The following DAB2IP variants were observed in gnomAD, a reference collection of about 807,000 sequenced individuals.
DAB2IP encodes DAB2 interacting protein, also known as disabled homolog 2-interacting protein.
A neutral mutation model predicts 107.2 loss-of-function variants in DAB2IP; 28 were observed. The ratio of observed to expected loss-of-function variants is 0.26; its 90% CI spans 0.19 to 0.36. The LOEUF is 0.36. Among genes scored for constraint, DAB2IP ranks in the 10% least tolerant of loss-of-function variants. The probability of loss-of-function intolerance (pLI) is 1.00; values close to 1 mark genes in which losing one functional copy is unlikely to be tolerated. For missense variants in DAB2IP, 1,400 were observed against 1,644.7 expected, an observed-to-expected ratio of 0.85 and a Z score of 2.57; for synonymous variants, 755 against 706.4, an observed-to-expected ratio of 1.07 and a Z score of -1.09.
chr9:121,616,211 G>C (rs1369797220), intron 1 of DAB2IP, among the ~76,000 whole-genome samples: 5 of 152,304 alleles, frequency 3.3e-5, no homozygotes, highest in African/African-American at 1.2e-4. Flanking sequence ...GGGAGGGGCG[G>C]GAAGGCTGCA....
chr9:121,778,201 G>A, intron 14 of DAB2IP, among the ~76,000 whole-genome samples: 1 of 152,032 alleles, frequency 6.6e-6, no homozygotes, highest in East Asian at 1.9e-4. Context: ...AGCTCCCTTG[G>A]GCTTCTTGTA....
In DAB2IP at chr9:121,757,190, G is replaced by A. The variant is rs749430944; in HGVS notation, c.516+24G>A. ...AGGTGGGTCCCATCACAGGGGTTGG[G>A]GTGGACACCCCATCCTCTCCTGGCC... On this transcript the variant is annotated intron_variant, in intron 4 of 15. Transcript: ENST00000408936. The A allele has an allele frequency of 1.6e-5, 26 of 1,609,512 alleles. No homozygotes were observed. The Admixed American group carries it at 3.9e-4, about 24-fold the overall frequency.
intron 11 of DAB2IP, among the ~76,000 whole-genome samples, chr9:121,771,231 G>T (rs1324378184): frequency 6.6e-6 from 1 of 152,178 alleles, no homozygotes; most frequent in East Asian, 1.9e-4. Flanking sequence ...CAGTCCTGGG[G>T]TCTGCTCTGC....
intron 1 of DAB2IP, among the ~76,000 whole-genome samples, chr9:121,586,927 CTG>C (rs1830324272): frequency 6.6e-6 from 1 of 152,156 alleles, no homozygotes; most frequent in Non-Finnish European, 1.5e-5. Context: ...GCAAGTTAAA[CTG>C]TAAAAGCTCA....
rs1233244299 is a variant in DAB2IP at position 121,634,184 on chromosome 9, C to A, written c.41-44494C>A. ...TGCATTGGTTTTCACATGCCAACTC[C>A]TAGGAAGGGTCCCCTATGCACCCCG... On this transcript the variant is annotated intron_variant, in intron 1 of 16. Transcript: ENST00000259371. This position sits in a 1 kb window ranked among gnomAD's most constrained non-coding sequence, Gnocchi z 4.7. Among the ~76,000 whole-genome samples the A allele has an allele frequency of 6.6e-6, 1 of 152,072 alleles. No individual in the cohort carries two copies. Among genetic ancestry groups the A allele is most frequent in the African/African-American group, 2.4e-5 (1 of 41,406 alleles).
chr9:121,774,421 G>A lies in DAB2IP; in HGVS notation c.3120+9G>A, dbSNP rs1186785858. 6.2e-7 allele frequency: 1 copy of A among 1,605,234 alleles called. No homozygotes were observed. The highest frequency in any genetic ancestry group is 8.5e-7 in the Non-Finnish European group (1 of 1,176,888). ...TCAGCCAAGCAGAAAAGGTAAAACT[G>A]GACCCTGGCGGCTCGGGACAGGGCG... On this transcript the variant is annotated intron_variant, in intron 13 of 15. Coordinates refer to ENST00000408936, the Ensembl canonical transcript of DAB2IP.
chr9:121,742,672 C>T (rs952742573), intron 3 of DAB2IP: 2 of 947,442 alleles, frequency 2.1e-6, no homozygotes, highest in Admixed American at 6.2e-5. Context: ...TTGCCTGAGT[C>T]CTGGGCTTGG....
At chr9:121,755,596 G>T (rs967273936) in intron 3 of DAB2IP, among the ~76,000 whole-genome samples, 4 of 152,148 alleles carry the variant, frequency 2.6e-5, no homozygotes, top group African/African-American at 9.7e-5. Flanking sequence ...TCTAGCATGG[G>T]ACTCCATGTT....
At chr9:121,711,918 C>G (rs1432301778) in intron 3 of DAB2IP, among the ~76,000 whole-genome samples, 1 of 152,184 alleles carries the variant, frequency 6.6e-6, no homozygotes, top group Non-Finnish European at 1.5e-5. Flanking sequence ...CTGGGCCTCC[C>G]CATCCCCCTC....
At position 121,651,843 on chromosome 9, in the gene DAB2IP, G is replaced by A; in HGVS notation, c.68G>A (p.Arg23Gln). The A allele has an allele frequency of 6.8e-7, 1 of 1,468,506 alleles. No individual in the cohort carries two copies. Among genetic ancestry groups the A allele is most frequent in the East Asian group, 2.8e-5 (1 of 35,496 alleles). The allele number at this position is 1,468,506 out of a possible 1,614,324, so 91.0% of individuals were successfully genotyped here. Residue 23 changes from arginine to glutamine, a missense_variant, in exon 1 of 16, where the codon CGG becomes CAG. Physicochemically the swap from Arg to Gln is conservative, Grantham distance 43. Around this residue, in one of 3 missense-constraint regions of DAB2IP, gnomAD observed 283 missense variants for 237.0 expected, o/e 1.19. Transcript: ENST00000408936. The surrounding 1 kb of genome is among the most constrained non-coding windows in gnomAD (Gnocchi z 5.1). ...TCCTACTACTACCGGCTGCTGAGGC[G>A]GCCCCGGCTGCAGCGACAGAGGAGC...
rs1360137911 is a variant in DAB2IP at position 121,782,426 on chromosome 9, C to A, written c.3498C>A (p.Gly1166=). ...GGTACAGCATGCAAGCCCGTAACGG[C>A]ATCTCCCCCACCAACCCCACCAAAT... is the stretch of plus-strand genomic sequence containing the variant. The change falls in exon 16 of 16, where the codon GGC becomes GGA. Residue 1166 remains glycine (G), a synonymous_variant. Transcript: ENST00000408936. The surrounding 1 kb of genome is among the most constrained non-coding windows in gnomAD (Gnocchi z 6.1). 1 of 1,614,140 alleles carries A rather than the reference C, an allele frequency of 6.2e-7. No individual in the cohort carries two copies. Among genetic ancestry groups the A allele is most frequent in the Non-Finnish European group, 8.5e-7 (1 of 1,179,986 alleles).
chr9:121,595,257 G>A (rs1830504817), intron 1 of DAB2IP, among the ~76,000 whole-genome samples: 1 of 151,756 alleles, frequency 6.6e-6, no homozygotes. Context: ...AAAAAGTGAT[G>A]AAGAATAAAA....
At chr9:121,766,407 A>G (rs1834282853) in intron 8 of DAB2IP, 87 bp from the exon 9 acceptor site, 1 of 1,290,920 alleles carries the variant, frequency 7.7e-7, no homozygotes, top group Non-Finnish European at 1.1e-6. Context: ...GGTAGAGCCA[A>G]GGTTGGAATG....
At chr9:121,739,667 C>A (rs137984659) in intron 3 of DAB2IP, among the ~76,000 whole-genome samples, 1 of 152,134 alleles carries the variant, frequency 6.6e-6, no homozygotes, top group African/African-American at 2.4e-5. Flanking sequence ...TGAGGCTCCA[C>A]GCTGGACATT....
At chr9:121,590,072 A>G (rs911873009) in intron 1 of DAB2IP, among the ~76,000 whole-genome samples, 1 of 151,564 alleles carries the variant, frequency 6.6e-6, no homozygotes. Flanking sequence ...CCCTCAGAAC[A>G]GGTCTTCCCT....
At chr9:121,769,340 G>A (rs561563339) in intron 10 of DAB2IP, among the ~76,000 whole-genome samples, 1 of 152,266 alleles carries the variant, frequency 6.6e-6, no homozygotes, top group South Asian at 2.1e-4. Context: ...TTCTGGACAC[G>A]ATCTGTGCAT....
chr9:121,641,765 AGCCT>A (rs76810093), intron 1 of DAB2IP, among the ~76,000 whole-genome samples: 1,692 of 150,878 alleles, frequency 0.011, 30 homozygotes, highest in African/African-American at 0.037. Flanking sequence ...TCCCACAGCC[AGCCT>A]GCCTGCCTGC....
At chr9:121,587,394 G>C (rs756828393) in intron 1 of DAB2IP, among the ~76,000 whole-genome samples, 8 of 152,260 alleles carry the variant, frequency 5.3e-5, no homozygotes, top group Non-Finnish European at 1.0e-4. Flanking sequence ...GATTGCTTGA[G>C]CCCAGGAGTT....
At chr9:121,703,612 C>G (rs1046002550) in intron 3 of DAB2IP, among the ~76,000 whole-genome samples, 1 of 152,214 alleles carries the variant, frequency 6.6e-6, no homozygotes, top group Non-Finnish European at 1.5e-5. Flanking sequence ...ATTTAGCACA[C>G]TTTTCATAGA....
Sources: allele counts gnomAD v4.1 joint callset (sites outside exome capture counted in the v4.1 genomes callset), GRCh38; gene constraint gnomAD v4.1.1; regional missense constraint gnomAD v4.1.1; non-coding constraint Gnocchi (gnomAD v3.1); transcripts MANE v1.5; gene names NCBI Gene and HGNC (gene_info 2026-07-23, HGNC 2026-07-21).